The following MRTFA variants were observed in gnomAD, a reference collection of about 807,000 sequenced individuals.
The protein encoded by MRTFA is myocardin related transcription factor A, also known as myocardin-related transcription factor A.
Under a neutral mutation model 83.5 loss-of-function variants are expected in MRTFA, and 20 were observed. That is an observed-to-expected ratio of 0.24 (90% CI 0.17 to 0.35). The LOEUF (loss-of-function observed/expected upper bound fraction) is 0.35, where lower values mean the gene tolerates loss of function less well. MRTFA is among the 10% of genes least tolerant of loss of function. The pLI is 1.00. For missense variants in MRTFA, 1,200 were observed against 1,224.7 expected (o/e 0.98, Z 0.30); for synonymous variants, 659 against 541.2 (o/e 1.22, Z -3.02).
chr22:40,438,961 A>G (rs1002224664), intron 4 of MRTFA, among the ~76,000 whole-genome samples: 2 of 152,200 alleles, frequency 1.3e-5, no homozygotes, highest in African/African-American at 4.8e-5. Context: ...CTTGTATGGA[A>G]AGCACTGTTC....
intron 6 of MRTFA, among the ~76,000 whole-genome samples, chr22:40,430,442 T>G (rs897431512): frequency 1.3e-5 from 2 of 151,946 alleles, no homozygotes; most frequent in African/African-American, 4.8e-5. Context: ...GAGCCGAGAC[T>G]GTGCCACTGC....
chr22:40,463,313 G>C, intron 3 of MRTFA, 27 bp from the exon 4 acceptor site: 2 of 1,601,558 alleles, frequency 1.2e-6, no homozygotes, highest in Non-Finnish European at 1.7e-6. Context: ...AGAGAGGAGA[G>C]ATGAGGGGTC....
intron 1 of MRTFA, among the ~76,000 whole-genome samples, chr22:40,602,833 C>T (rs1002234379): frequency 3.3e-5 from 5 of 151,970 alleles, no homozygotes; most frequent in African/African-American, 7.2e-5. Flanking sequence ...GGTGACAGAG[C>T]GAGACTCCAT....
In MRTFA at chr22:40,423,643, G is replaced by T; in HGVS notation, c.820C>A (p.Leu274Ile). 1 of 1,589,890 alleles carries T rather than the reference G, an allele frequency of 6.3e-7. No homozygotes were observed. The highest frequency in any genetic ancestry group is 8.6e-7 in the Non-Finnish European group (1 of 1,167,348). ...AGAGGAGGCTGCTCTGCCAGGAAAA[G>T]CATTTCTCTGGAATCCCGGCCCATC... Residue 274 changes from leucine (L) to isoleucine (I), a missense_variant, in exon 9 of 15, where the codon CTT becomes ATT. Around this residue, in one of 2 missense-constraint regions of MRTFA, gnomAD observed 1,107 missense variants for 1,041.8 expected, o/e 1.06. Coordinates refer to ENST00000355630, the MANE Select transcript of MRTFA (RefSeq NM_020831.6).
At chr22:40,419,428 A>G in intron 11 of MRTFA, 44 bp from the exon 12 acceptor site, 1 of 1,567,300 alleles carries the variant, frequency 6.4e-7, no homozygotes, top group East Asian at 2.2e-5. Flanking sequence ...GCAGCTGGAC[A>G]CAGGGCACTG....
At chr22:40,624,566 A>T (rs566673955) in intron 1 of MRTFA, among the ~76,000 whole-genome samples, 1 of 152,176 alleles carries the variant, frequency 6.6e-6, no homozygotes, top group Non-Finnish European at 1.5e-5. Context: ...GGGAAACCAA[A>T]TAAGTACCCA....
intron 3 of MRTFA, among the ~76,000 whole-genome samples, chr22:40,542,037 C>G (rs954929208): frequency 6.6e-6 from 1 of 152,148 alleles, no homozygotes; most frequent in Non-Finnish European, 1.5e-5. Context: ...GGGTCTCACT[C>G]TGTTGCCCAG....
intron 7 of MRTFA, among the ~76,000 whole-genome samples, chr22:40,426,567 A>G (rs1009796890): frequency 2.6e-5 from 4 of 152,140 alleles, no homozygotes; most frequent in African/African-American, 9.7e-5. Context: ...CAAATTCCTC[A>G]AACAAACAAG....
At chr22:40,461,600 C>T (rs1218234528) in intron 4 of MRTFA, among the ~76,000 whole-genome samples, 1 of 136,398 alleles carries the variant, frequency 7.3e-6, no homozygotes, top group Non-Finnish European at 1.5e-5. Flanking sequence ...CTGGCTCATA[C>T]GGTGAAACCC....
intron 2 of MRTFA, among the ~76,000 whole-genome samples, chr22:40,558,996 G>C (rs977375409): frequency 2.6e-5 from 4 of 152,100 alleles, no homozygotes; most frequent in Non-Finnish European, 4.4e-5. Context: ...TGGCCAGGCT[G>C]GTCTCGAACT....
chr22:40,511,356 G>A (rs2054664696), intron 3 of MRTFA, among the ~76,000 whole-genome samples: 1 of 152,210 alleles, frequency 6.6e-6, no homozygotes, highest in Admixed American at 6.5e-5. Context: ...CAGGTTGGGA[G>A]TAGTCACTGA....
At chr22:40,542,426 C>T (rs2055306375) in intron 3 of MRTFA, among the ~76,000 whole-genome samples, 1 of 152,132 alleles carries the variant, frequency 6.6e-6, no homozygotes, top group South Asian at 2.1e-4. Flanking sequence ...TCATCTAACT[C>T]TTTGTTGAGT....
chr22:40,432,185 G>A (rs1446805843), intron 5 of MRTFA, among the ~76,000 whole-genome samples: 1 of 152,116 alleles, frequency 6.6e-6, no homozygotes, highest in East Asian at 1.9e-4. Context: ...GGTGGAGGCT[G>A]CAGTGAGCCA....
At chr22:40,414,490 T>C (rs930072169) in intron 14 of MRTFA, among the ~76,000 whole-genome samples, 5 of 152,238 alleles carry the variant, frequency 3.3e-5, no homozygotes, top group African/African-American at 1.2e-4. Flanking sequence ...CAGCCACAGA[T>C]GAATGGATGA....
rs1159675288 is a variant in MRTFA at position 40,416,241 on chromosome 22, C to T, written c.2578+745G>A. On this transcript the variant is annotated intron_variant, in intron 14 of 14. Transcript: ENST00000355630. This position sits in a 1 kb window ranked among gnomAD's most constrained non-coding sequence, Gnocchi z 4.2. Reference sequence around the variant, plus strand: ...TCCCCCCACTTCATCCATAAAGACACCAACCTGGCTCTCTCCAAATGGGGC... The same window carrying T: ...TCCCCCCACTTCATCCATAAAGACATCAACCTGGCTCTCTCCAAATGGGGC... Among the ~76,000 whole-genome samples, 1 of 152,234 alleles carries T rather than the reference C, an allele frequency of 6.6e-6. No individual in the cohort carries two copies. Among genetic ancestry groups the T allele is most frequent in the Non-Finnish European group, 1.5e-5 (1 of 68,030 alleles).
intron 3 of MRTFA, among the ~76,000 whole-genome samples, chr22:40,492,131 T>C (rs1341797756): frequency 6.6e-6 from 1 of 151,998 alleles, no homozygotes; most frequent in East Asian, 1.9e-4. Context: ...CTGGAGGAGA[T>C]TCGAGTCTCC....
intron 3 of MRTFA, among the ~76,000 whole-genome samples, chr22:40,467,630 A>G (rs2053830979): frequency 6.6e-6 from 1 of 152,150 alleles, no homozygotes; most frequent in South Asian, 2.1e-4. Flanking sequence ...AATTTAATAC[A>G]CATCCACTCT....
chr22:40,538,451 G>C (rs1444512694), intron 3 of MRTFA, among the ~76,000 whole-genome samples: 2 of 150,652 alleles, frequency 1.3e-5, no homozygotes. Context: ...AGGGTCCTCT[G>C]CCTAGGAAAA....
At chr22:40,470,014 A>C (rs779942338) in intron 3 of MRTFA, among the ~76,000 whole-genome samples, 19 of 151,864 alleles carry the variant, frequency 1.3e-4, no homozygotes, top group Non-Finnish European at 1.5e-5. Flanking sequence ...ACCTCAGGTC[A>C]GCAGTTCAAG....
Sources: allele counts gnomAD v4.1 joint callset (sites outside exome capture counted in the v4.1 genomes callset), GRCh38; gene constraint gnomAD v4.1.1; regional missense constraint gnomAD v4.1.1; non-coding constraint Gnocchi (gnomAD v3.1); transcripts MANE v1.5; gene names NCBI Gene and HGNC (gene_info 2026-07-23, HGNC 2026-07-21).